DCAF1: variants seen among roughly 807,000 people sequenced by gnomAD.
DCAF1 encodes DDB1 and CUL4 associated factor 1.
DCAF1 carries 15 observed loss-of-function variants against 128.0 expected under a neutral mutation model. The ratio of observed to expected loss-of-function variants is 0.12; its 90% confidence interval spans 0.08 to 0.18. The LOEUF is 0.18. DCAF1 is among the 10% of genes least tolerant of loss of function. DCAF1 has a pLI of 1.00. For synonymous variants in DCAF1, 610 were observed against 603.0 expected, an observed-to-expected ratio of 1.01 and a Z score of -0.17; for missense variants, 988 against 1,649.5, an observed-to-expected ratio of 0.60 and a Z score of 6.95.
intron 23 of DCAF1, among the ~76,000 whole-genome samples, chr3:51,411,834 G>C (rs1373870238): frequency 6.6e-6 from 1 of 152,082 alleles, no homozygotes; most frequent in Non-Finnish European, 1.5e-5. Context: ...GCCAGGATGA[G>C]TGCGGTGGCT....
intron 9 of DCAF1, among the ~76,000 whole-genome samples, chr3:51,436,816 C>T (rs1273940354): frequency 6.6e-6 from 1 of 152,024 alleles, no homozygotes; most frequent in Non-Finnish European, 1.5e-5. Context: ...GTAAAGAGAC[C>T]GTTGGGTAGT....
At chr3:51,471,088 G>A (rs1553648253) in intron 3 of DCAF1, 83 bp from the exon 4 acceptor site, 2 of 848,844 alleles carry the variant, frequency 2.4e-6, no homozygotes, top group South Asian at 2.0e-5. Context: ...CAACGGTCAA[G>A]GTAGAAAATA....
chr3:51,499,372 G>A (rs1708584869), intron 1 of DCAF1, among the ~76,000 whole-genome samples: 1 of 152,164 alleles, frequency 6.6e-6, no homozygotes, highest in African/African-American at 2.4e-5. Context: ...GAGGCAGGCG[G>A]GTGCAGGGAG....
intron 2 of DCAF1, among the ~76,000 whole-genome samples, chr3:51,495,996 G>C (rs62257551): frequency 3.4e-5 from 5 of 146,356 alleles, no homozygotes; most frequent in African/African-American, 1.3e-4. Flanking sequence ...CTTGTCTCAA[G>C]GAAAAAAAAA....
intron 4 of DCAF1, among the ~76,000 whole-genome samples, chr3:51,467,674 CATA>C (rs1420338731): frequency 6.6e-6 from 1 of 151,836 alleles, no homozygotes; most frequent in Non-Finnish European, 1.5e-5. Flanking sequence ...AAAAAAGAAA[CATA>C]ATTTAAAAAT....
chr3:51,441,019 A>ATATAGAACATCATCAGCTC lies in DCAF1; in HGVS notation c.1060_1078dup (p.Ile360ArgfsTer8). On this transcript the variant is annotated frameshift_variant, in exon 9 of 25. Transcript: ENST00000684031. LOFTEE classifies it high-confidence loss of function. ...GACATCATTAGTTTGCTTCAGGTCA[A>ATATAGAACATCATCAGCTC]TATAGAACATCATCAGCTCCCGTGA... 6.2e-7 allele frequency: 1 copy of ATATAGAACATCATCAGCTC among 1,613,238 alleles called. No homozygotes were observed. The highest frequency in any genetic ancestry group is 8.5e-7 in the Non-Finnish European group (1 of 1,179,600).
At chr3:51,438,421 A>T (rs1701054885) in intron 9 of DCAF1, among the ~76,000 whole-genome samples, 1 of 152,224 alleles carries the variant, frequency 6.6e-6, no homozygotes, top group South Asian at 2.1e-4. Flanking sequence ...AAAATAAGAA[A>T]ATTACAGAGC....
chr3:51,501,664 C>T (rs1177577073), upstream of DCAF1, among the ~76,000 whole-genome samples: 1 of 152,142 alleles, frequency 6.6e-6, no homozygotes, highest in Non-Finnish European at 1.5e-5. Flanking sequence ...CATCCTCCTT[C>T]TCTTAAATGT....
At chr3:51,424,710 A>C (rs1239089279) in intron 13 of DCAF1, among the ~76,000 whole-genome samples, 1 of 152,230 alleles carries the variant, frequency 6.6e-6, no homozygotes, top group Non-Finnish European at 1.5e-5. Context: ...TATAAATCTC[A>C]AGAATATAAG....
At chr3:51,497,187 C>T (rs1553661364) in intron 1 of DCAF1, among the ~76,000 whole-genome samples, 1 of 152,098 alleles carries the variant, frequency 6.6e-6, no homozygotes, top group African/African-American at 2.4e-5. Flanking sequence ...CCCAGCTACT[C>T]CAGAGGCTGA....
chr3:51,437,398 T>C, intron 9 of DCAF1: 2 of 503,816 alleles, frequency 4.0e-6, no homozygotes, highest in Non-Finnish European at 3.9e-6. Flanking sequence ...TCCCCACTTA[T>C]CCATGATGAC....
At chr3:51,405,270 T>C (rs1553626253) in intron 23 of DCAF1, among the ~76,000 whole-genome samples, 1 of 152,112 alleles carries the variant, frequency 6.6e-6, no homozygotes, top group African/African-American at 2.4e-5. Flanking sequence ...TGAAGACAAT[T>C]CTCTTTCATT....
At chr3:51,456,143 A>T (rs1702879620) in intron 6 of DCAF1, among the ~76,000 whole-genome samples, 2 of 152,206 alleles carry the variant, frequency 1.3e-5, no homozygotes, top group Non-Finnish European at 2.9e-5. Context: ...GGGTCAGGGA[A>T]TTCCCTTTCC....
intron 23 of DCAF1, among the ~76,000 whole-genome samples, chr3:51,410,507 A>ATAGCTAAATCTCAAAC (rs148638175): frequency 0.98 from 148,982 of 152,060 alleles, 73,061 homozygotes; most frequent in Middle Eastern, 1. Flanking sequence ...AGTAAAACAC[A>ATAGCTAAATCTCAAAC]TAGCTAAATC....
At chr3:51,413,909 G>A in intron 20 of DCAF1, 41 bp downstream of exon 20, 1 of 1,431,142 alleles carries the variant, frequency 7.0e-7, no homozygotes. Flanking sequence ...TGAAGGGGTA[G>A]AGCAAAAGGA....
chr3:51,445,098 G>T (rs1701730102), intron 6 of DCAF1, among the ~76,000 whole-genome samples: 1 of 151,996 alleles, frequency 6.6e-6, no homozygotes, highest in Non-Finnish European at 1.5e-5. Flanking sequence ...CCTTCTGTAG[G>T]CCAAGATTGA....
intron 23 of DCAF1, among the ~76,000 whole-genome samples, chr3:51,406,248 CA>C (rs2090097150): frequency 6.9e-6 from 1 of 144,176 alleles, no homozygotes; most frequent in Admixed American, 7.5e-5. Flanking sequence ...GAGGCTGAGG[CA>C]GGAGAATGGC....
At chr3:51,440,195 T>G in intron 9 of DCAF1, 2 of 505,422 alleles carry the variant, frequency 4.0e-6, no homozygotes, top group Non-Finnish European at 7.8e-6. Flanking sequence ...GCCTCCTCTC[T>G]TCTATCTAAA....
chr3:51,414,012 G>C lies in DCAF1; in HGVS notation c.3869C>G (p.Thr1290Ser). 6.2e-7 allele frequency: 1 copy of C among 1,604,088 alleles called. No homozygotes were observed. The highest frequency in any genetic ancestry group is 8.5e-7 in the Non-Finnish European group (1 of 1,175,778). Reference sequence around the variant, plus strand: ...GCGACACTGATCCAGAGCGGGAACAGTATGCAAAAGATGAAAAGTTCGAAG... The same window carrying C: ...GCGACACTGATCCAGAGCGGGAACACTATGCAAAAGATGAAAAGTTCGAAG... ...WDLRTFHLLH[T>S]VPALDQCRVV... The change falls in exon 20 of 25, where the codon ACT (threonine) becomes AGT (serine). Residue 1290 changes from threonine to serine, a missense_variant. Around this residue, in one of 11 missense-constraint regions of DCAF1, gnomAD observed 85 missense variants for 204.6 expected, o/e 0.42. Coordinates refer to ENST00000684031, the MANE Select transcript of DCAF1 (RefSeq NM_001387579.1).
Sources: allele counts gnomAD v4.1 joint callset (sites outside exome capture counted in the v4.1 genomes callset), GRCh38; gene constraint gnomAD v4.1.1; regional missense constraint gnomAD v4.1.1; transcripts MANE v1.5; gene names NCBI Gene and HGNC (gene_info 2026-07-23, HGNC 2026-07-21).